PHF3: variants seen among roughly 807,000 people sequenced by gnomAD.
PHF3 encodes the protein PHD finger protein 3.
In PHF3, 41 loss-of-function variants were observed where a neutral mutation model predicts 178.4. That is an observed-to-expected ratio of 0.23 (90% confidence interval 0.18 to 0.30). The LOEUF (loss-of-function observed/expected upper bound fraction) is 0.30, where lower values mean the gene tolerates loss of function less well. PHF3 is among the 10% of genes least tolerant of loss of function. The pLI is 1.00. For synonymous variants in PHF3, 842 were observed against 800.5 expected, an observed-to-expected ratio of 1.05 and a Z score of -0.88; for missense variants, 2,346 against 2,398.1, an observed-to-expected ratio of 0.98 and a Z score of 0.45.
intron 2 of PHF3, among the ~76,000 whole-genome samples, chr6:63,656,596 C>T (rs1441237096): frequency 6.6e-6 from 1 of 152,186 alleles, no homozygotes; most frequent in Non-Finnish European, 1.5e-5. Context: ...TTGCCCAGAG[C>T]CCCCTGAGTT....
At chr6:63,652,711 A>G (rs1228157662) in intron 2 of PHF3, among the ~76,000 whole-genome samples, 5 of 152,104 alleles carry the variant, frequency 3.3e-5, no homozygotes, top group Admixed American at 6.6e-5. Flanking sequence ...ATTTTTGTAT[A>G]TGGAGAGAGA....
intron 4 of PHF3, among the ~76,000 whole-genome samples, chr6:63,689,625 TG>T (rs1766907387): frequency 1.3e-5 from 2 of 152,200 alleles, no homozygotes; most frequent in Admixed American, 1.3e-4. Context: ...CATCTGTAGA[TG>T]GCACTAGAGT....
At chr6:63,637,645 C>CATCATT (rs61521070) in intron 1 of PHF3, among the ~76,000 whole-genome samples, 1,812 of 151,946 alleles carry the variant, frequency 0.012, 31 homozygotes, top group African/African-American at 0.042. Context: ...CCTTCATCAT[C>CATCATT]GTCATTATCA....
At chr6:63,650,974 A>T (rs1369939958) in intron 2 of PHF3, among the ~76,000 whole-genome samples, 1 of 152,284 alleles carries the variant, frequency 6.6e-6, no homozygotes, top group South Asian at 2.1e-4. Context: ...CCAACTACAC[A>T]TATAAGTTCA....
At chr6:63,643,903 A>G (rs1465362724) in intron 1 of PHF3, among the ~76,000 whole-genome samples, 1 of 152,206 alleles carries the variant, frequency 6.6e-6, no homozygotes, top group African/African-American at 2.4e-5. Flanking sequence ...TAGCAGTATT[A>G]TTGAAAACAA....
Position 63,698,547 on chromosome 6 carries a change from C to G in PHF3, c.2924C>G (p.Ala975Gly). 1 of 1,594,158 alleles carries G rather than the reference C, an allele frequency of 6.3e-7. No individual in the cohort carries two copies. Among genetic ancestry groups the G allele is most frequent in the East Asian group, 2.2e-5 (1 of 44,638 alleles). ...ELFSFFRDTD[A>G]KYKNKYRSLM... ...TTCTCTTTTTTTCGGGACACAGATGCTAAATATAAGAACAAATATAGAAGT... is the reference window on the plus strand; with the variant it reads ...TTCTCTTTTTTTCGGGACACAGATGGTAAATATAAGAACAAATATAGAAGT... The change falls in exon 8 of 16, where the codon GCT becomes GGT. Residue 975 changes from alanine to glycine, a missense_variant. Around this residue, in one of 8 missense-constraint regions of PHF3, gnomAD observed 252 missense variants for 232.0 expected, o/e 1.09. Coordinates refer to ENST00000262043, the MANE Select transcript of PHF3 (RefSeq NM_001370348.2).
intron 12 of PHF3, among the ~76,000 whole-genome samples, 155 bp downstream of exon 12, chr6:63,706,379 G>A (rs1445803791): frequency 1.3e-5 from 2 of 152,116 alleles, no homozygotes; most frequent in Non-Finnish European, 2.9e-5. Context: ...ACAAGACTTC[G>A]AAAATAAATA....
Position 63,703,549 on chromosome 6 carries a change from A to G in PHF3, c.3245A>G (p.Asn1082Ser), listed in dbSNP as rs201800081. ...GACTTACGTTAGGAACCAGCCGCCA[A>G]TAAGTCATTGGAGAAGCCAGAAGGA... ...AAMEIQEPAA[N>S]KSLEKPEGSE... is the part of the protein sequence containing the mutation. Residue 1082 changes from asparagine (N) to serine (S), a missense_variant, in exon 11 of 16, where the codon AAT (asparagine) becomes AGT (serine). Transcript: ENST00000262043. 2.3e-5 allele frequency: 37 copies of G among 1,609,016 alleles called. No homozygotes were observed. The highest frequency in any genetic ancestry group is 1.7e-4 in the Middle Eastern group (1 of 6,044).
intron 5 of PHF3, 80 bp from the exon 6 acceptor site, chr6:63,694,501 A>G: frequency 4.1e-6 from 4 of 982,854 alleles, no homozygotes; most frequent in Non-Finnish European, 5.8e-6. Flanking sequence ...ACTAATAATC[A>G]AGAGTTATTT....
Position 63,685,776 on chromosome 6 carries a change from AG to A in PHF3, c.2055del (p.Glu685AspfsTer10). 1 of 1,614,094 alleles carries A rather than the reference AG, an allele frequency of 6.2e-7. No homozygotes were observed. Among genetic ancestry groups the A allele is most frequent in the Non-Finnish European group, 8.5e-7 (1 of 1,180,012 alleles). On this transcript the variant is annotated frameshift_variant, in exon 4 of 16. Transcript: ENST00000262043. LOFTEE classifies it high-confidence loss of function. ...AGCAGCAAAAGTTTTTCTTTAGATG[AG>A]CCACCATTGTTCATTCCAGATAACA... ...RRSSKSFSLD[E>X]PPLFIPDNIA...
chr6:63,676,066 A>G (rs1766151984), intron 2 of PHF3, among the ~76,000 whole-genome samples: 2 of 152,184 alleles, frequency 1.3e-5, no homozygotes, highest in South Asian at 4.1e-4. Context: ...TCTTCAATAT[A>G]TCAAAAAAGT....
chr6:63,707,260 C>T (rs1052102482), intron 13 of PHF3, among the ~76,000 whole-genome samples: 2 of 152,148 alleles, frequency 1.3e-5, no homozygotes, highest in African/African-American at 4.8e-5. Context: ...TCTGATTTCC[C>T]CACTGCTTAT....
At position 63,720,504 on chromosome 6, in the gene PHF3, A is replaced by G; in HGVS notation, c.*6796A>G. On this transcript the variant is annotated 3_prime_UTR_variant, in exon 16 of 16. Coordinates refer to ENST00000262043, the MANE Select transcript of PHF3 (RefSeq NM_001370348.2). ...TAGACTATTTCAGGTAATATAGTAA[A>G]CAGTTGATTCCCCGTAAGCAATGTA... The G allele has an allele frequency of 1.1e-6, 1 of 898,464 alleles. No individual in the cohort carries two copies. The highest frequency in any genetic ancestry group is 1.6e-6 in the Non-Finnish European group (1 of 612,758). 55.7% of individuals were successfully genotyped at this position (898,464 alleles called of 1,614,324 possible). A position where few individuals can be genotyped will look rare whatever the true frequency, so the allele number is the denominator to read the frequency against.
At chr6:63,687,551 TA>T (rs1766768369) in intron 4 of PHF3, among the ~76,000 whole-genome samples, 1 of 152,302 alleles carries the variant, frequency 6.6e-6, no homozygotes, top group South Asian at 2.1e-4. Context: ...CCAGAATCTT[TA>T]AAAAATTATC....
At position 63,646,804 on chromosome 6, in the gene PHF3, T is replaced by C. The variant is rs768222879; in HGVS notation, c.244+9T>C. The C allele has an allele frequency of 7.8e-7, 1 of 1,274,188 alleles. No homozygotes were observed. Among genetic ancestry groups the C allele is most frequent in the Non-Finnish European group, 9.8e-7 (1 of 1,015,630 alleles). 78.9% of individuals were successfully genotyped at this position (1,274,188 alleles called of 1,614,324 possible). A position where few individuals can be genotyped will look rare whatever the true frequency, so the allele number is the denominator to read the frequency against. ...GATGCCTTGTTCAACAGGTAATTCTTACTTTTTTTTTTTTTTTTTTTTTTA... is the reference window on the plus strand; with the variant it reads ...GATGCCTTGTTCAACAGGTAATTCTCACTTTTTTTTTTTTTTTTTTTTTTA... On this transcript the variant is annotated intron_variant, in intron 2 of 15. Transcript: ENST00000262043.
rs1261702937 is a variant in PHF3, at chr6:63,720,771, A to T, written c.*7063A>T. On this transcript the variant is annotated 3_prime_UTR_variant, in exon 16 of 16. Transcript: ENST00000262043. ...CTTTCTACCATATTCAAAGCCCCCT[A>T]GATAACAAATGCCATCATAGTTTAG... 1.3e-6 allele frequency: 2 copies of T among 1,550,760 alleles called. No homozygotes were observed. Among genetic ancestry groups the T allele is most frequent in the African/African-American group, 2.7e-5 (2 of 73,002 alleles).
In PHF3 at chr6:63,649,079, C is replaced by CTTATTTATTTAT. The variant is rs10645572; in HGVS notation, c.244+2306_244+2317dup. On this transcript the variant is annotated intron_variant, in intron 2 of 15. Coordinates refer to ENST00000262043, the MANE Select transcript of PHF3 (RefSeq NM_001370348.2). ...TAAGAGATAATTGCAAAAAAGAAAT[C>CTTATTTATTTAT]TTATTTATTTATTTATTTATTTATT... Among the ~76,000 whole-genome samples the CTTATTTATTTAT allele has an allele frequency of 2.2e-3, 331 of 148,616 alleles. 2 individuals are homozygous for CTTATTTATTTAT. Among genetic ancestry groups the CTTATTTATTTAT allele is most frequent in the South Asian group, 0.016 (74 of 4,674 alleles).
At chr6:63,673,296 T>C (rs1189607897) in intron 2 of PHF3, among the ~76,000 whole-genome samples, 1 of 152,170 alleles carries the variant, frequency 6.6e-6, no homozygotes, top group African/African-American at 2.4e-5. Context: ...ATTTTTTGTT[T>C]TTAAATAAAA....
intron 2 of PHF3, among the ~76,000 whole-genome samples, chr6:63,653,154 G>GTTT (rs559811903): frequency 5.9e-5 from 5 of 84,646 alleles, no homozygotes; most frequent in South Asian, 4.2e-4. Context: ...ATGTTGGCTA[G>GTTT]TTTTTTTTTT....
Sources: gnomAD v4.1 joint callset for allele counts (sites outside exome capture counted in the v4.1 genomes callset) on GRCh38, gnomAD v4.1.1 for gene constraint, gnomAD v4.1.1 regional missense constraint, MANE v1.5 for transcripts, NCBI Gene and HGNC (gene_info 2026-07-23, HGNC 2026-07-21) for gene names.